FKBP15: variants seen among roughly 807,000 people sequenced by gnomAD.
FKBP15 encodes the protein FK506-binding protein 15.
A neutral mutation model predicts 158.1 loss-of-function variants in FKBP15; 106 were observed. The observed-to-expected ratio is 0.67, with a 90% CI of 0.57 to 0.79. The LOEUF (loss-of-function observed/expected upper bound fraction) is 0.79. FKBP15 is among the 30% of genes least tolerant of loss of function. FKBP15 has a pLI of 0.00. For synonymous variants in FKBP15, 547 were observed against 548.6 expected (o/e 1.00, Z 0.04); for missense variants, 1,287 against 1,479.1 (o/e 0.87, Z 2.13).
intron 18 of FKBP15, among the ~76,000 whole-genome samples, chr9:113,183,245 ATT>A (rs376520328): frequency 6.6e-6 from 1 of 151,934 alleles, no homozygotes; most frequent in African/African-American, 2.4e-5. Context: ...TGGGAGAATG[ATT>A]TTTTTTAAGT....
chr9:113,199,692 G>T, intron 7 of FKBP15, 122 bp downstream of exon 7: 2 of 1,054,064 alleles, frequency 1.9e-6, no homozygotes, highest in Non-Finnish European at 2.7e-6. Flanking sequence ...AGTGTCTAAA[G>T]TGGGGATCCT....
rs1300348651 is a variant in FKBP15 at position 113,186,298 on chromosome 9, G to A, written c.1449C>T (p.Pro483=). The change falls in exon 15 of 28, where the codon CCC becomes CCT. Residue 483 remains proline, a synonymous_variant. Transcript: ENST00000238256. ...QASAVTSQLQ[P]VRPLYPAPLS... ...GCGGTGCTGGGTACAAAGGCCGAACGGGCTGCAGCTGGGAGGTGACGGCAG... is the reference window on the plus strand; with the variant it reads ...GCGGTGCTGGGTACAAAGGCCGAACAGGCTGCAGCTGGGAGGTGACGGCAG... 9.5e-6 allele frequency: 15 copies of A among 1,571,168 alleles called. No homozygotes were observed. The highest frequency in any genetic ancestry group is 5.9e-5 in the South Asian group (5 of 85,246).
rs1830051604 is a variant in FKBP15 at position 113,163,611 on chromosome 9, G to C, written c.*2467C>G. ...TTTCCCTTTCTTGGGGAGAGAATAA[G>C]TGACAGCTGATTAAAGGCAGAGACA... On this transcript the variant is annotated 3_prime_UTR_variant, in exon 28 of 28. Coordinates refer to ENST00000238256, the MANE Select transcript of FKBP15 (RefSeq NM_015258.2). 6.6e-6 allele frequency: 1 copy of C among 152,460 alleles called. No homozygotes were observed. The highest frequency in any genetic ancestry group is 2.4e-5 in the African/African-American group (1 of 41,448). 9.4% of individuals were successfully genotyped at this position (152,460 alleles called of 1,614,324 possible).
intron 23 of FKBP15, 149 bp downstream of exon 23, chr9:113,173,304 G>T: frequency 1.3e-6 from 1 of 767,228 alleles, no homozygotes; most frequent in Non-Finnish European, 2.0e-6. Context: ...ATAAGTATGT[G>T]AAAGATAACT....
rs1314727959 is a variant in FKBP15, at chr9:113,221,217, G to A, written c.27C>T (p.Asp9=). Residue 9 remains aspartate (D), a synonymous_variant, in exon 1 of 28, where the codon GAC becomes GAT. Coordinates refer to ENST00000238256, the MANE Select transcript of FKBP15 (RefSeq NM_015258.2). MFGAGDED[D]TDFLSPSGGA... is the part of the protein sequence containing the mutation. Reference sequence around the variant, plus strand: ...CGCCGCTCGGCGAGAGGAAATCGGTGTCGTCCTCGTCCCCCGCACCGAACA... The same window carrying A: ...CGCCGCTCGGCGAGAGGAAATCGGTATCGTCCTCGTCCCCCGCACCGAACA... 1.2e-6 allele frequency: 2 copies of A among 1,610,160 alleles called. No homozygotes were observed. The highest frequency in any genetic ancestry group is 1.7e-5 in the Admixed American group (1 of 59,662).
At chr9:113,218,635 T>C (rs2118968586) in intron 1 of FKBP15, among the ~76,000 whole-genome samples, 1 of 152,200 alleles carries the variant, frequency 6.6e-6, no homozygotes, top group African/African-American at 2.4e-5. Context: ...GACACGGAAG[T>C]TGACCTGCAA....
intron 25 of FKBP15, 73 bp downstream of exon 25, chr9:113,170,449 A>C: frequency 9.3e-7 from 1 of 1,078,572 alleles, no homozygotes; most frequent in Non-Finnish European, 1.4e-6. Flanking sequence ...TTTTTTATTC[A>C]TGATCCCTTA....
intron 1 of FKBP15, among the ~76,000 whole-genome samples, chr9:113,215,917 C>A (rs576750974): frequency 1.3e-5 from 2 of 151,414 alleles, no homozygotes; most frequent in South Asian, 4.2e-4. Context: ...TCCCAAAATG[C>A]TGGGATTATA....
chr9:113,209,943 G>A (rs1830966414), intron 2 of FKBP15, among the ~76,000 whole-genome samples: 1 of 152,194 alleles, frequency 6.6e-6, no homozygotes, highest in African/African-American at 2.4e-5. Context: ...CAATGCTAAT[G>A]AGGTGACTTA....
chr9:113,173,700 ATAAGC>A, intron 22 of FKBP15, 95 bp from the exon 23 acceptor site: 1 of 1,290,562 alleles, frequency 7.7e-7, no homozygotes. Context: ...AAGCAAAAGA[ATAAGC>A]TAACAGCCCA....
In FKBP15 at chr9:113,170,502, T is replaced by C. The variant is rs565826907; in HGVS notation, c.2766+20A>G. 6.5e-7 allele frequency: 1 copy of C among 1,533,950 alleles called. No individual in the cohort carries two copies. Among genetic ancestry groups the C allele is most frequent in the Admixed American group, 1.7e-5 (1 of 59,472 alleles). On this transcript the variant is annotated intron_variant, in intron 25 of 27. Transcript: ENST00000238256. The stretch of plus-strand genomic sequence containing the variant: ...AAAATGCCCAATACGATGAAACAAA[T>C]GACAGCTGGCTGGCTGTACCTTGAT...
chr9:113,176,119 T>C (rs1434864604), intron 21 of FKBP15, among the ~76,000 whole-genome samples: 1 of 152,146 alleles, frequency 6.6e-6, no homozygotes, highest in Non-Finnish European at 1.5e-5. Context: ...TAAATATCCA[T>C]CGATAGGCAA....
chr9:113,187,699 C>T, intron 14 of FKBP15, 94 bp downstream of exon 14: 1 of 1,002,746 alleles, frequency 1.0e-6, no homozygotes, highest in South Asian at 1.5e-5. Context: ...CTTTGGGGAA[C>T]TGCTACTGTA....
At chr9:113,217,321 T>A (rs993549706) in intron 1 of FKBP15, among the ~76,000 whole-genome samples, 11 of 149,010 alleles carry the variant, frequency 7.4e-5, no homozygotes, top group Non-Finnish European at 1.5e-4. Flanking sequence ...CAAGCGATTC[T>A]CCTACCTCAG....
At chr9:113,183,915 C>T (rs1036540260) in intron 17 of FKBP15, 70 bp from the exon 18 acceptor site, 8 of 1,101,910 alleles carry the variant, frequency 7.3e-6, no homozygotes, top group Non-Finnish European at 9.6e-6. Context: ...AGAGAATCAA[C>T]TTGAACTGAC....
At chr9:113,200,626 T>C (rs1830770597) in intron 6 of FKBP15, among the ~76,000 whole-genome samples, 1 of 152,206 alleles carries the variant, frequency 6.6e-6, no homozygotes, top group African/African-American at 2.4e-5. Context: ...TTTAATATTA[T>C]TAAGCCCTCA....
chr9:113,180,653 A>G (rs1048100038), intron 19 of FKBP15, among the ~76,000 whole-genome samples: 3 of 152,308 alleles, frequency 2.0e-5, no homozygotes, highest in South Asian at 2.1e-4. Context: ...AAGAGAGATA[A>G]TAATTTGACA....
At chr9:113,207,099 C>T (rs1830902425) in intron 3 of FKBP15, 113 bp downstream of exon 3, 9 of 776,566 alleles carry the variant, frequency 1.2e-5, no homozygotes, top group South Asian at 3.3e-5. Context: ...ATATTTTGTC[C>T]GTGGAAGGGC....
Position 113,221,192 on chromosome 9 carries a change from C to T in FKBP15, c.52G>A (p.Gly18Ser), listed in dbSNP as rs750701587. The change falls in exon 1 of 28, where the codon GGT becomes AGT. Residue 18 changes from glycine to serine, a missense_variant and splice_region_variant. Physicochemically the swap from Gly to Ser is moderately conservative, Grantham distance 56. Transcript: ENST00000238256. ...DDTDFLSPSG[G>S]ARLASLFGLD... ...AGCGCATACTTCTCAGTCACTCACCCGCCGCTCGGCGAGAGGAAATCGGTG... is the reference window on the plus strand; with the variant it reads ...AGCGCATACTTCTCAGTCACTCACCTGCCGCTCGGCGAGAGGAAATCGGTG... 2 of 1,608,884 alleles carry T rather than the reference C, an allele frequency of 1.2e-6. No homozygotes were observed. The highest frequency in any genetic ancestry group is 3.4e-5 in the Admixed American group (2 of 59,630).
Sources: gnomAD v4.1 joint callset for allele counts (sites outside exome capture counted in the v4.1 genomes callset) on GRCh38, gnomAD v4.1.1 for gene constraint, MANE v1.5 for transcripts, NCBI Gene and HGNC (gene_info 2026-07-23, HGNC 2026-07-21) for gene names.